The following PGR variants were observed in gnomAD, a reference collection of about 807,000 sequenced individuals.
The protein encoded by PGR is nuclear receptor subfamily 3 group C member 3.
In PGR, 25 loss-of-function variants were observed where a neutral mutation model predicts 76.1. The ratio of observed to expected loss-of-function variants is 0.33; its 90% CI spans 0.24 to 0.46. The LOEUF is 0.46. Ranked by LOEUF, PGR falls within the 20% of genes least tolerant of loss-of-function variation. The pLI, the probability that PGR is intolerant of heterozygous loss-of-function variation, is 1.00. For synonymous variants in PGR, 579 were observed against 535.0 expected (o/e 1.08, Z -1.14); for missense variants, 1,172 against 1,225.3 (o/e 0.96, Z 0.65).
chr11:101,069,541 CCA>C (rs1293471604), intron 3 of PGR, among the ~76,000 whole-genome samples: 1 of 144,578 alleles, frequency 6.9e-6, no homozygotes, highest in East Asian at 5.1e-4. Context: ...AATCATTGTA[CCA>C]TAAGACACAT....
Position 101,128,925 on chromosome 11 carries a change from G to A in PGR, c.146C>T (p.Ser49Leu), listed in dbSNP as rs1349242903. 2.5e-6 allele frequency: 4 copies of A among 1,612,966 alleles called. No homozygotes were observed. Among genetic ancestry groups the A allele is most frequent in the African/African-American group, 1.3e-5 (1 of 74,920 alleles). Residue 49 changes from serine to leucine, a missense_variant, in exon 1 of 8, where the codon TCG becomes TTG. This residue lies in a region of PGR where 893 missense variants were observed against 785.9 expected (regional missense o/e 1.14). Transcript: ENST00000325455. ...SQTSDTLPEVSAIPISLDGLL... is the reference protein window; with the variant it reads ...SQTSDTLPEVLAIPISLDGLL... ...CCCGTCCAGGGAGATAGGTATGGCCGAAACTTCAGGCAAGGTGTCCGAGGT... is the reference window on the plus strand; with the variant it reads ...CCCGTCCAGGGAGATAGGTATGGCCAAAACTTCAGGCAAGGTGTCCGAGGT...
chr11:101,094,516 A>C (rs981136283), intron 2 of PGR, among the ~76,000 whole-genome samples: 1 of 152,226 alleles, frequency 6.6e-6, no homozygotes, highest in African/African-American at 2.4e-5. Flanking sequence ...GTGGTGTGCC[A>C]CTGCACACAC....
intron 2 of PGR, among the ~76,000 whole-genome samples, chr11:101,123,939 T>C (rs1862759847): frequency 6.6e-6 from 1 of 152,224 alleles, no homozygotes; most frequent in South Asian, 2.1e-4. Flanking sequence ...TTACATACTT[T>C]ACAAGTATCA....
At chr11:101,102,556 T>A (rs1207944618) in intron 2 of PGR, among the ~76,000 whole-genome samples, 1 of 152,170 alleles carries the variant, frequency 6.6e-6, no homozygotes, top group African/African-American at 2.4e-5. Flanking sequence ...AGAGTGACTA[T>A]CTAGCAGAGT....
Position 101,126,140 on chromosome 11 carries a change from G to C in PGR, c.1656C>G (p.Ser552Arg), listed in dbSNP as rs777204925. 1 of 1,614,050 alleles carries C rather than the reference G, an allele frequency of 6.2e-7. No homozygotes were observed. Among genetic ancestry groups the C allele is most frequent in the Non-Finnish European group, 8.5e-7 (1 of 1,179,976 alleles). Residue 552 changes from serine (S) to arginine (R), a missense_variant, in exon 2 of 8, where the codon AGC becomes AGG. Transcript: ENST00000325455. ...LNYLRPDSEA[S>R]QSPQYSFESL... ...ACTCGAAGCTGTATTGTGGGCTCTG[G>C]CTGGCTTCTGAATCCGGCCTTGAAA... is the stretch of plus-strand genomic sequence containing the variant.
chr11:101,095,581 T>C (rs1439681180), intron 2 of PGR, among the ~76,000 whole-genome samples: 2 of 152,154 alleles, frequency 1.3e-5, no homozygotes, highest in Non-Finnish European at 2.9e-5. Flanking sequence ...AGTTAAAACA[T>C]TTTAGGTTAA....
At chr11:101,094,133 A>C (rs1218310030) in intron 2 of PGR, among the ~76,000 whole-genome samples, 3 of 152,180 alleles carry the variant, frequency 2.0e-5, no homozygotes, top group Non-Finnish European at 4.4e-5. Flanking sequence ...AAAAAGTTCC[A>C]GCACCAAAAA....
chr11:101,109,065 A>G (rs756624323), intron 2 of PGR, among the ~76,000 whole-genome samples: 1 of 152,192 alleles, frequency 6.6e-6, no homozygotes, highest in African/African-American at 2.4e-5. Flanking sequence ...TTGCCCATGT[A>G]AGACAATAAA....
chr11:101,112,053 A>G (rs1488007073), intron 2 of PGR, among the ~76,000 whole-genome samples: 1 of 152,180 alleles, frequency 6.6e-6, no homozygotes, highest in Non-Finnish European at 1.5e-5. Flanking sequence ...TCAATTGTCA[A>G]ATGCTACCAA....
At chr11:101,119,225 C>A (rs1332039502) in intron 2 of PGR, among the ~76,000 whole-genome samples, 1 of 152,168 alleles carries the variant, frequency 6.6e-6, no homozygotes, top group African/African-American at 2.4e-5. Context: ...CATGGGCCCG[C>A]ACCGGACCAT....
At chr11:101,083,314 A>G (rs554457822) in intron 3 of PGR, among the ~76,000 whole-genome samples, 2 of 152,360 alleles carry the variant, frequency 1.3e-5, no homozygotes, top group South Asian at 4.1e-4. Flanking sequence ...AGTCTGCTTC[A>G]AGCGCAGAGA....
At chr11:101,110,485 T>A (rs1862310671) in intron 2 of PGR, among the ~76,000 whole-genome samples, 1 of 152,130 alleles carries the variant, frequency 6.6e-6, no homozygotes. Flanking sequence ...GAAGTGGAGT[T>A]CAAAGATGTG....
intron 3 of PGR, among the ~76,000 whole-genome samples, chr11:101,076,013 G>A (rs1048164892): frequency 1.3e-5 from 2 of 152,080 alleles, no homozygotes; most frequent in South Asian, 2.1e-4. Context: ...AAAGACACAT[G>A]CACACGTATG....
intron 2 of PGR, among the ~76,000 whole-genome samples, chr11:101,111,673 C>T (rs1206023371): frequency 1.3e-5 from 2 of 152,100 alleles, no homozygotes; most frequent in African/African-American, 4.8e-5. Flanking sequence ...AGGCAGATAG[C>T]TTGAGGACCA....
intron 4 of PGR, among the ~76,000 whole-genome samples, chr11:101,052,606 A>G (rs940196452): frequency 3.3e-5 from 5 of 152,058 alleles, no homozygotes; most frequent in African/African-American, 9.7e-5. Context: ...TGCATTGTAG[A>G]TGGATCATTC....
At chr11:101,042,333 T>G (rs1859718828) in intron 6 of PGR, among the ~76,000 whole-genome samples, 1 of 152,178 alleles carries the variant, frequency 6.6e-6, no homozygotes, top group South Asian at 2.1e-4. Flanking sequence ...AAAGAACACT[T>G]CAGCTGACCT....
chr11:101,107,270 T>C (rs565569523), intron 2 of PGR, among the ~76,000 whole-genome samples: 4 of 152,302 alleles, frequency 2.6e-5, no homozygotes, highest in Admixed American at 1.3e-4. Flanking sequence ...TCTTTTTTCT[T>C]CCCTTCAACT....
chr11:101,073,659 A>T (rs1565345037), intron 3 of PGR, among the ~76,000 whole-genome samples: 1 of 152,216 alleles, frequency 6.6e-6, no homozygotes, highest in Non-Finnish European at 1.5e-5. Context: ...ATCACCAGTG[A>T]TCCCACAGAA....
intron 3 of PGR, among the ~76,000 whole-genome samples, chr11:101,083,802 T>C (rs1225503623): frequency 6.6e-6 from 1 of 152,194 alleles, no homozygotes. Flanking sequence ...TTTTTGATAT[T>C]ACAAGATCAT....
Sources: gnomAD v4.1 joint callset for allele counts (sites outside exome capture counted in the v4.1 genomes callset) on GRCh38, gnomAD v4.1.1 for gene constraint, gnomAD v4.1.1 regional missense constraint, MANE v1.5 for transcripts, NCBI Gene and HGNC (gene_info 2026-07-23, HGNC 2026-07-21) for gene names.